ZSCAN25: variants seen among roughly 807,000 people sequenced by gnomAD.
The protein encoded by ZSCAN25 is zinc finger and SCAN domain containing 25.
In ZSCAN25, 27 loss-of-function variants were observed where a neutral mutation model predicts 38.7. That is an observed-to-expected ratio of 0.70 (90% CI 0.51 to 0.96). ZSCAN25 has a LOEUF of 0.96. Among genes scored for constraint, ZSCAN25 ranks in the 40% least tolerant of loss-of-function variants. ZSCAN25 has a pLI of 0.00. For missense variants in ZSCAN25, 637 were observed against 705.9 expected, an observed-to-expected ratio of 0.90 and a Z score of 1.11; for synonymous variants, 273 against 277.7, an observed-to-expected ratio of 0.98 and a Z score of 0.17.
chr7:99,690,793 A>G, the ZSCAN25 span, among the ~76,000 whole-genome samples: 8 of 152,112 alleles, frequency 5.3e-5, no homozygotes, highest in African/African-American at 1.9e-4. Flanking sequence ...TCAGAAAACA[A>G]CAGGTGCTGG....
the ZSCAN25 span, among the ~76,000 whole-genome samples, chr7:99,709,666 A>G: frequency 6.6e-6 from 1 of 152,194 alleles, no homozygotes; most frequent in African/African-American, 2.4e-5. Flanking sequence ...AGATAGAAAA[A>G]GCAAATTCTC....
the ZSCAN25 span, among the ~76,000 whole-genome samples, chr7:99,721,551 T>C: frequency 3.3e-5 from 5 of 152,186 alleles, no homozygotes; most frequent in African/African-American, 1.2e-4. Context: ...AGGCAGACAC[T>C]GGACAGAACG....
the ZSCAN25 span, among the ~76,000 whole-genome samples, chr7:99,723,886 C>G: frequency 6.6e-6 from 1 of 152,186 alleles, no homozygotes. Context: ...ACAGTCTTCC[C>G]TTGGTGTCTA....
chr7:99,718,515 A>T, the ZSCAN25 span, among the ~76,000 whole-genome samples: 9 of 152,204 alleles, frequency 5.9e-5, no homozygotes, highest in Admixed American at 2.0e-4. Context: ...AAAATTCAGC[A>T]AACTAGGGAG....
the ZSCAN25 span, among the ~76,000 whole-genome samples, chr7:99,655,429 T>C: frequency 6.6e-6 from 1 of 152,218 alleles, no homozygotes; most frequent in African/African-American, 2.4e-5. Context: ...TTCTGCTCCA[T>C]TGATCAATAT....
chr7:99,619,789 G>A lies in ZSCAN25; in HGVS notation c.183G>A (p.Arg61=), dbSNP rs1280629760. The stretch of plus-strand genomic sequence containing the variant: ...CAGCTGGACCCCAGGAAGCTCTTAG[G>A]GAGCTCCAGGAGCTCTGTCGTCGGT... The part of the protein sequence containing the change: ...QEAAGPQEAL[R]ELQELCRRWL... Residue 61 remains arginine (R), a synonymous_variant, in exon 4 of 8, where the codon AGG becomes AGA. Transcript: ENST00000394152. The A allele has an allele frequency of 6.2e-7, 1 of 1,614,122 alleles. No individual in the cohort carries two copies. Among genetic ancestry groups the A allele is most frequent in the African/African-American group, 1.3e-5 (1 of 74,946 alleles).
the ZSCAN25 span, among the ~76,000 whole-genome samples, chr7:99,673,328 A>T: frequency 2.6e-5 from 4 of 152,302 alleles, no homozygotes; most frequent in East Asian, 7.7e-4. Flanking sequence ...ACACCACTGC[A>T]CCTCATCCAC....
the ZSCAN25 span, chr7:99,679,928 A>G: frequency 2.5e-6 from 4 of 1,601,066 alleles, no homozygotes; most frequent in Non-Finnish European, 3.4e-6. Flanking sequence ...GTGTTCTGTG[A>G]GTCTTCCTTT....
At chr7:99,710,907 A>G in the ZSCAN25 span, 90 of 1,613,542 alleles carry the variant, frequency 5.6e-5, no homozygotes, top group East Asian at 1.9e-3. Context: ...AAGGAGAGAA[A>G]AGACATTTTA....
chr7:99,664,914 A>G, the ZSCAN25 span, among the ~76,000 whole-genome samples: 1 of 152,222 alleles, frequency 6.6e-6, no homozygotes, highest in African/African-American at 2.4e-5. Flanking sequence ...GCAAATCTAT[A>G]GAGGCAGAAA....
At chr7:99,635,379 G>T (rs1370412501), downstream of ZSCAN25, among the ~76,000 whole-genome samples, 1 of 151,876 alleles carries the variant, frequency 6.6e-6, no homozygotes, top group African/African-American at 2.4e-5. Context: ...ACAACTTCAG[G>T]ATCTTATTTT....
At chr7:99,699,851 G>C in the ZSCAN25 span, 2 of 708,962 alleles carry the variant, frequency 2.8e-6, no homozygotes, top group East Asian at 5.3e-5. Context: ...CATCCAAGAA[G>C]CTACTCCTCC....
intron 5 of ZSCAN25, chr7:99,622,331 T>C: frequency 5.1e-6 from 3 of 582,754 alleles, no homozygotes; most frequent in Admixed American, 6.2e-5. Flanking sequence ...TCTTGCCAGC[T>C]GAGAACAGGA....
chr7:99,717,699 A>C, the ZSCAN25 span: 7 of 1,590,358 alleles, frequency 4.4e-6, no homozygotes, highest in Non-Finnish European at 6.0e-6. Context: ...CCATGGTTGT[A>C]GAAAATGTGT....
Position 99,631,475 on chromosome 7 carries a change from A to G in ZSCAN25, c.*1455A>G. The G allele has an allele frequency of 3.0e-6, 3 of 985,576 alleles. No homozygotes were observed. Among genetic ancestry groups the G allele is most frequent in the Non-Finnish European group, 2.4e-6 (2 of 829,954 alleles). The allele number at this position is 985,576 out of a possible 1,614,324, so 61.1% of individuals were successfully genotyped here. On this transcript the variant is annotated 3_prime_UTR_variant, in exon 8 of 8. Transcript: ENST00000394152. ...TTAAAGTTCTGGAAGCTGCATAACT[A>G]GCGTGGACTGACTGCTGTGTCATTG...
the ZSCAN25 span, chr7:99,699,881 T>G: frequency 1.1e-6 from 1 of 900,978 alleles, no homozygotes; most frequent in Non-Finnish European, 1.9e-6. Context: ...TCTTTTGATC[T>G]TTAAAACAGA....
the ZSCAN25 span, among the ~76,000 whole-genome samples, chr7:99,662,172 T>A: frequency 6.6e-6 from 1 of 152,222 alleles, no homozygotes; most frequent in Non-Finnish European, 1.5e-5. The surrounding 1 kb of genome is among the most constrained non-coding windows in gnomAD (Gnocchi z 4.3). Context: ...CTAGAACCAA[T>A]TGTTAAATAT....
chr7:99,638,462 C>T, the ZSCAN25 span: 1 of 1,544,022 alleles, frequency 6.5e-7, no homozygotes, highest in Non-Finnish European at 8.9e-7. Flanking sequence ...TGTGGTGCAG[C>T]TCCTGGCAAG....
At chr7:99,710,317 CAT>C in the ZSCAN25 span, among the ~76,000 whole-genome samples, 2 of 152,210 alleles carry the variant, frequency 1.3e-5, no homozygotes, top group African/African-American at 2.4e-5. Flanking sequence ...ACATGAGACA[CAT>C]GTGGGGCAGA....
Sources: allele counts gnomAD v4.1 joint callset (sites outside exome capture counted in the v4.1 genomes callset), GRCh38; gene constraint gnomAD v4.1.1; non-coding constraint Gnocchi (gnomAD v3.1); transcripts MANE v1.5; gene names NCBI Gene and HGNC (gene_info 2026-07-23, HGNC 2026-07-21).